Variants in IKBKE observed in about 807,000 individuals in gnomAD.
IKBKE encodes inhibitor of nuclear factor kappa-B kinase subunit epsilon.
In IKBKE, 45 loss-of-function variants were observed where a neutral mutation model predicts 92.1. The ratio of observed to expected loss-of-function variants is 0.49; its 90% CI spans 0.38 to 0.63. The LOEUF is 0.63. Ranked by LOEUF, IKBKE falls within the 20% of genes least tolerant of loss-of-function variation. The pLI is 0.00. For synonymous variants in IKBKE, 374 were observed against 380.3 expected (o/e 0.98, Z 0.19); for missense variants, 700 against 932.8 (o/e 0.75, Z 3.25).
intron 5 of IKBKE, 147 bp downstream of exon 5, chr1:206,475,141 A>G: frequency 6.1e-6 from 5 of 823,880 alleles, no homozygotes; most frequent in East Asian, 2.7e-5. Flanking sequence ...TTGTACACCA[A>G]TGTTCACAGC....
At chr1:206,483,602 C>T (rs186267249) in intron 13 of IKBKE, among the ~76,000 whole-genome samples, 203 of 152,294 alleles carry the variant, frequency 1.3e-3, no homozygotes, top group Admixed American at 2.4e-3. Context: ...ACACAGCATA[C>T]TTTTTAAAAA....
rs1325559311 is a variant in IKBKE at position 206,478,250 on chromosome 1, G to T, written c.903G>T (p.Glu301Asp). 11 of 1,614,184 alleles carry T rather than the reference G, an allele frequency of 6.8e-6. No homozygotes were observed. Among genetic ancestry groups the T allele is most frequent in the Non-Finnish European group, 8.5e-6 (10 of 1,180,040 alleles). Residue 301 changes from glutamate (E) to aspartate (D), a missense_variant, in exon 9 of 22, where the codon GAG (glutamate) becomes GAT (aspartate). Physicochemically the swap from Glu to Asp is conservative, Grantham distance 45 (BLOSUM62 2). Transcript: ENST00000581977. The surrounding 1 kb of genome is among the most constrained non-coding windows in gnomAD (Gnocchi z 4.8). ...KCWGFDQFFA[E>D]TSDILQRVVV... ...GGGGCTTCGACCAGTTCTTTGCGGA[G>T]ACCAGTGACATCCTGCAGCGAGTTG... is the stretch of plus-strand genomic sequence containing the variant.
intron 15 of IKBKE, among the ~76,000 whole-genome samples, chr1:206,486,209 T>C (rs1665650286): frequency 6.6e-6 from 1 of 152,290 alleles, no homozygotes; most frequent in South Asian, 2.1e-4. Context: ...CTCGGGCCAT[T>C]CCACAATACA....
At chr1:206,471,455 T>TC (rs1664767445) in intron 2 of IKBKE, among the ~76,000 whole-genome samples, 1 of 151,998 alleles carries the variant, frequency 6.6e-6, no homozygotes, top group East Asian at 1.9e-4. Flanking sequence ...CAACCAGAGC[T>TC]CCCGGGCACA....
chr1:206,478,585 C>T lies in IKBKE; in HGVS notation c.992+246C>T, dbSNP rs1360878456. ...GCATTATACATCTGAGAAGTGTGTG[C>T]GTGGTGTATGTTGGCTGTACATTTC... On this transcript the variant is annotated intron_variant, in intron 9 of 21. Transcript: ENST00000581977. This position sits in a 1 kb window ranked among gnomAD's most constrained non-coding sequence, Gnocchi z 4.8. Among the ~76,000 whole-genome samples the T allele has an allele frequency of 6.6e-6, 1 of 152,124 alleles. No individual in the cohort carries two copies. The highest frequency in any genetic ancestry group is 1.5e-5 in the Non-Finnish European group (1 of 68,014).
chr1:206,485,017 C>A lies in IKBKE; in HGVS notation c.1448C>A (p.Thr483Lys), dbSNP rs52817862. 26 of 1,613,970 alleles carry A rather than the reference C, an allele frequency of 1.6e-5. No homozygotes were observed. The highest frequency in any genetic ancestry group is 2.1e-5 in the Non-Finnish European group (25 of 1,179,984). Residue 483 changes from threonine to lysine, a missense_variant, in exon 14 of 22, where the codon ACG becomes AAG. Coordinates refer to ENST00000581977, the MANE Select transcript of IKBKE (RefSeq NM_014002.4). The surrounding 1 kb of genome is among the most constrained non-coding windows in gnomAD (Gnocchi z 5.0). ...TCAAGGTTCAGCAGCGTGGCTGGAA[C>A]GCCTGAGATCCAGGAACTGAAGGCG... Reference protein sequence around the residue: ...GTERFSSVAGTPEIQELKAAA... With the variant: ...GTERFSSVAGKPEIQELKAAA...
Position 206,477,732 on chromosome 1 carries a change from G to C in IKBKE, c.702-17G>C. 6.7e-7 allele frequency: 1 copy of C among 1,497,440 alleles called. No individual in the cohort carries two copies. 92.8% of individuals were successfully genotyped at this position (1,497,440 alleles called of 1,614,324 possible). On this transcript the variant is annotated splice_polypyrimidine_tract_variant and intron_variant, in intron 7 of 21. Transcript: ENST00000581977. The stretch of plus-strand genomic sequence containing the variant: ...TGATAGCTGGGGATCCCGCTGACCT[G>C]GCCTTCCTCCCCGCAGGTACCGGAT...
Position 206,478,088 on chromosome 1 carries a change from C to A in IKBKE, c.813-72C>A. ...CTCTTCAGGATATTCTCTTAGAACG[C>A]TCCTATTGCCTGCTTAAGGAGGATA... On this transcript the variant is annotated intron_variant, in intron 8 of 21. Transcript: ENST00000581977. The surrounding 1 kb of genome is among the most constrained non-coding windows in gnomAD (Gnocchi z 4.8). The A allele has an allele frequency of 7.7e-7, 1 of 1,298,418 alleles. No individual in the cohort carries two copies. The highest frequency in any genetic ancestry group is 1.1e-6 in the Non-Finnish European group (1 of 918,218). The allele number at this position is 1,298,418 out of a possible 1,614,324, so 80.4% of individuals were successfully genotyped here.
intron 16 of IKBKE, among the ~76,000 whole-genome samples, 190 bp downstream of exon 16, chr1:206,488,180 C>G (rs1665765782): frequency 6.6e-6 from 1 of 152,246 alleles, no homozygotes; most frequent in Non-Finnish European, 1.5e-5. Flanking sequence ...AGGCCCCTGT[C>G]TGCAAGCTGC....
intron 16 of IKBKE, among the ~76,000 whole-genome samples, chr1:206,489,343 A>G (rs887649041): frequency 2.0e-5 from 2 of 98,800 alleles, no homozygotes; most frequent in South Asian, 3.8e-4. Context: ...ATATGTGTGT[A>G]TATGTGTGTG....
At chr1:206,493,440 A>G in intron 20 of IKBKE, 62 bp downstream of exon 20, 2 of 1,274,606 alleles carry the variant, frequency 1.6e-6, no homozygotes, top group Non-Finnish European at 2.3e-6. Context: ...GGAGCAGAGT[A>G]TGCTGAGGTT....
chr1:206,474,720 T>C, intron 4 of IKBKE, 145 bp from the exon 5 acceptor site: 3 of 948,764 alleles, frequency 3.2e-6, no homozygotes, highest in Non-Finnish European at 4.7e-6. Context: ...GTGTGCGGGA[T>C]CAGTGTGAGG....
chr1:206,486,606 G>A (rs919800569), intron 15 of IKBKE, among the ~76,000 whole-genome samples: 16 of 151,710 alleles, frequency 1.1e-4, no homozygotes, highest in African/African-American at 3.6e-4. Context: ...CCTGTCTTTT[G>A]GATGAAGGCT....
chr1:206,483,277 G>A (rs1472468280), intron 13 of IKBKE, among the ~76,000 whole-genome samples: 1 of 152,240 alleles, frequency 6.6e-6, no homozygotes, highest in Non-Finnish European at 1.5e-5. Flanking sequence ...CTAACCCAAG[G>A]TCATGCAGAT....
chr1:206,481,478 T>C (rs570899391), intron 13 of IKBKE, among the ~76,000 whole-genome samples: 1 of 152,224 alleles, frequency 6.6e-6, no homozygotes, highest in East Asian at 1.9e-4. Flanking sequence ...GAGGAGCATC[T>C]CCAGATAACA....
At chr1:206,480,842 G>T (rs1368001652) in intron 13 of IKBKE, among the ~76,000 whole-genome samples, 3 of 152,298 alleles carry the variant, frequency 2.0e-5, no homozygotes, top group Admixed American at 2.0e-4. Context: ...TTCTCTGAAT[G>T]ATTTAGAGTG....
At position 206,473,960 on chromosome 1, in the gene IKBKE, C is replaced by CAA. The variant is rs58205740; in HGVS notation, c.88-348_88-347dup. Among the ~76,000 whole-genome samples, 256 of 61,886 alleles carry CAA rather than the reference C, an allele frequency of 4.1e-3. 2 individuals are homozygous for CAA. The Middle Eastern group carries it at 0.057, about 14-fold the overall frequency. 40.6% of individuals were successfully genotyped at this position (61,886 alleles called of 152,430 possible). A position where few individuals can be genotyped will look rare whatever the true frequency, so the allele number is the denominator to read the frequency against. On this transcript the variant is annotated intron_variant, in intron 3 of 21. Transcript: ENST00000581977. ...TGGGTGACAGAGCGAGGCTCCGTCT[C>CAA]AAAAAAAAAAAAAAAAAAAAAAAAG...
chr1:206,476,250 G>T lies in IKBKE; in HGVS notation c.428G>T (p.Arg143Leu), dbSNP rs139869900. Residue 143 changes from arginine (R) to leucine (L), a missense_variant, in exon 6 of 22, where the codon CGC becomes CTC. Physicochemically the swap from Arg to Leu is moderately radical, Grantham distance 102. Coordinates refer to ENST00000581977, the MANE Select transcript of IKBKE (RefSeq NM_014002.4). This position sits in a 1 kb window ranked among gnomAD's most constrained non-coding sequence, Gnocchi z 5.1. ...GACATCAAGCCGGGGAACATCATGCGCCTCGTAGGGGAGGAGGGGCAGAGC... is the reference window on the plus strand; with the variant it reads ...GACATCAAGCCGGGGAACATCATGCTCCTCGTAGGGGAGGAGGGGCAGAGC... Reference protein sequence around the residue: ...HRDIKPGNIMRLVGEEGQSIY... With the variant: ...HRDIKPGNIMLLVGEEGQSIY... 6.2e-7 allele frequency: 1 copy of T among 1,614,098 alleles called. No individual in the cohort carries two copies. The highest frequency in any genetic ancestry group is 8.5e-7 in the Non-Finnish European group (1 of 1,179,970).
At chr1:206,474,239 A>G (rs1664931876) in intron 3 of IKBKE, 92 bp from the exon 4 acceptor site, 1 of 1,295,352 alleles carries the variant, frequency 7.7e-7, no homozygotes, top group Non-Finnish European at 1.1e-6. Flanking sequence ...GAGAGGCTGA[A>G]TGGAGGCCCA....
Sources: allele counts gnomAD v4.1 joint callset (sites outside exome capture counted in the v4.1 genomes callset), GRCh38; gene constraint gnomAD v4.1.1; non-coding constraint Gnocchi (gnomAD v3.1); transcripts MANE v1.5; gene names NCBI Gene and HGNC (gene_info 2026-07-23, HGNC 2026-07-21).